Variants in CCDC154 observed in about 807,000 individuals in gnomAD.
CCDC154 encodes the protein coiled-coil domain containing 154.
Under a neutral mutation model 87.5 loss-of-function variants are expected in CCDC154, and 91 were observed. The ratio of observed to expected loss-of-function variants is 1.04; its 90% CI spans 0.88 to 1.24. CCDC154 has a LOEUF of 1.24. Among genes scored for constraint, CCDC154 ranks in the 50% most tolerant of loss-of-function variants. The pLI, the probability that CCDC154 is intolerant of heterozygous loss-of-function variation, is 0.00. For synonymous variants in CCDC154, 418 were observed against 400.4 expected (o/e 1.04, Z -0.52); for missense variants, 903 against 879.2 (o/e 1.03, Z -0.34).
Position 1,437,875 on chromosome 16 carries a change from G to T in CCDC154, c.1232C>A (p.Pro411Gln). 1 of 1,544,810 alleles carries T rather than the reference G, an allele frequency of 6.5e-7. No individual in the cohort carries two copies. The highest frequency in any genetic ancestry group is 8.7e-7 in the Non-Finnish European group (1 of 1,146,452). ...GQLKELSGHL[P>Q]ALSSRLDLQE... ...CAGATCGAGCCGGCTGCTCAGAGCC[G>T]GGAGATGGCCACTCAGCTCCTTTAA... The change falls in exon 11 of 17, where the codon CCG (proline) becomes CAG (glutamine). Residue 411 changes from proline to glutamine, a missense_variant. Pro to Gln is a moderately conservative substitution (Grantham distance 76). Transcript: ENST00000389176.
chr16:1,442,483 C>G lies in CCDC154; in HGVS notation c.598G>C (p.Glu200Gln). 1 of 1,550,056 alleles carries G rather than the reference C, an allele frequency of 6.5e-7. No individual in the cohort carries two copies. ...DLLQQEEQGR[E>Q]VACGALQKNQ... The stretch of plus-strand genomic sequence containing the variant: ...TTCTGCAGGGCGCCGCAGGCCACCT[C>G]CCGGCCCTGCTCCTCCTGCTGCAGC... The change falls in exon 6 of 17, where the codon GAG (glutamate) becomes CAG (glutamine). Residue 200 changes from glutamate (E) to glutamine (Q), a missense_variant. By Grantham distance (29) the Glu-to-Gln change is conservative. Transcript: ENST00000389176.
Position 1,438,061 on chromosome 16 carries a change from C to T in CCDC154, c.1141G>A (p.Glu381Lys), listed in dbSNP as rs2038518259. 1 of 1,548,128 alleles carries T rather than the reference C, an allele frequency of 6.5e-7. No individual in the cohort carries two copies. The highest frequency in any genetic ancestry group is 2.0e-5 in the Admixed American group (1 of 50,898). ...GELARQEMHGELVLLREKSRA... is the reference protein window; with the variant it reads ...GELARQEMHGKLVLLREKSRA... ...CGCTACCCCCTCACCAGCACCAGCTCTCCATGCATCTCCTGCCGGGCCAGC... is the reference window on the plus strand; with the variant it reads ...CGCTACCCCCTCACCAGCACCAGCTTTCCATGCATCTCCTGCCGGGCCAGC... The change falls in exon 10 of 17, where the codon GAG becomes AAG. Residue 381 changes from glutamate (E) to lysine (K), a missense_variant. Glu to Lys is a moderately conservative substitution (Grantham distance 56). Coordinates refer to ENST00000389176, the MANE Select transcript of CCDC154 (RefSeq NM_001143980.3).
Position 1,434,682 on chromosome 16 carries a change from C to T in CCDC154, c.1863G>A (p.Val621=), listed in dbSNP as rs2038483647. 1.3e-6 allele frequency: 2 copies of T among 1,546,384 alleles called. No homozygotes were observed. Among genetic ancestry groups the T allele is most frequent in the Non-Finnish European group, 8.7e-7 (1 of 1,146,764 alleles). Residue 621 remains valine (V), a synonymous_variant, in exon 16 of 17, where the codon GTG becomes GTA. Coordinates refer to ENST00000389176, the MANE Select transcript of CCDC154 (RefSeq NM_001143980.3). ...GKVVPMNCWG[V]YQAVRWLRWK... is the part of the protein sequence containing the mutation. ...CTGCTGCCCACCTCACAGCCTGGTACACGCCCCAGCAGTTCATGGGCACCA... is the reference window on the plus strand; with the variant it reads ...CTGCTGCCCACCTCACAGCCTGGTATACGCCCCAGCAGTTCATGGGCACCA...
chr16:1,443,332 G>C (rs997836603), intron 3 of CCDC154, 31 bp from the exon 4 acceptor site: 2 of 1,539,836 alleles, frequency 1.3e-6, no homozygotes, highest in Non-Finnish European at 1.7e-6. Flanking sequence ...CTGTGGGCTG[G>C]ACCTAGGCCC....
chr16:1,434,617 G>C (rs1218159261), intron 16 of CCDC154, 51 bp downstream of exon 16: 1 of 1,524,144 alleles, frequency 6.6e-7, no homozygotes, highest in Admixed American at 2.0e-5. Context: ...CCCCAGCCCT[G>C]AACCCCGGCC....
chr16:1,437,098 G>A (rs1381746945), intron 11 of CCDC154: 4 of 452,770 alleles, frequency 8.8e-6, no homozygotes, highest in African/African-American at 2.0e-5. Context: ...GCCCCGAAAC[G>A]CAGGGTGTCG....
intron 13 of CCDC154, 31 bp from the exon 14 acceptor site, chr16:1,436,117 C>G: frequency 2.6e-6 from 4 of 1,524,096 alleles, no homozygotes; most frequent in Non-Finnish European, 3.6e-6. Context: ...GGCTGGCTGT[C>G]GGGTGTGCTC....
rs1343126935 is a variant in CCDC154, at chr16:1,438,148, G to A, written c.1054C>T (p.Arg352Trp). The change falls in exon 10 of 17, where the codon CGG becomes TGG. Residue 352 changes from arginine to tryptophan, a missense_variant. Coordinates refer to ENST00000389176, the MANE Select transcript of CCDC154 (RefSeq NM_001143980.3). The part of the protein sequence containing the change: ...WDAKGRLEES[R>W]AGELAAYVQE... ...ACATAGGCGGCCAGCTCCCCAGCCC[G>A]GCTTTCCTCCAAGCGCCCCTTGGCG... 25 of 1,546,210 alleles carry A rather than the reference G, an allele frequency of 1.6e-5. No individual in the cohort carries two copies. The highest frequency in any genetic ancestry group is 1.9e-5 in the Non-Finnish European group (22 of 1,144,646).
At position 1,434,727 on chromosome 16, in the gene CCDC154, C is replaced by T. The variant is rs144781456; in HGVS notation, c.1818G>A (p.Lys606=). Reference sequence around the variant, plus strand: ...GCACCACCTTGCCAGGCGCCATGTCCTTGATGAAGACCCGCGGCCTCACCA... The same window carrying T: ...GCACCACCTTGCCAGGCGCCATGTCTTTGATGAAGACCCGCGGCCTCACCA... The part of the protein sequence containing the change: ...PSLVRPRVFI[K]DMAPGKVVPM... The change falls in exon 16 of 17, where the codon AAG becomes AAA. Residue 606 remains lysine (K), a synonymous_variant. Coordinates refer to ENST00000389176, the MANE Select transcript of CCDC154 (RefSeq NM_001143980.3). The T allele has an allele frequency of 1.3e-6, 2 of 1,546,782 alleles. No individual in the cohort carries two copies. The highest frequency in any genetic ancestry group is 2.0e-5 in the Admixed American group (1 of 50,998).
chr16:1,436,282 G>A (rs1216848694), intron 13 of CCDC154, among the ~76,000 whole-genome samples, 163 bp downstream of exon 13: 2 of 152,206 alleles, frequency 1.3e-5, no homozygotes, highest in African/African-American at 4.8e-5. Flanking sequence ...CTCAGAGGCT[G>A]CACCAGGGTG....
chr16:1,443,723 G>T (rs1260475432), intron 2 of CCDC154, 28 bp from the exon 3 acceptor site: 2 of 1,301,086 alleles, frequency 1.5e-6, no homozygotes, highest in Non-Finnish European at 2.0e-6. Flanking sequence ...GGGCGAGTCT[G>T]GCGGTGCCCG....
rs61744665 is a variant in CCDC154, at chr16:1,434,527, G to A, written c.1885C>T (p.Arg629Cys). Residue 629 changes from arginine (R) to cysteine (C), a missense_variant, in exon 17 of 17, where the codon CGC (arginine) becomes TGC (cysteine). Transcript: ENST00000389176. ...AGCTTTATGAGGGACGCCTTCCAGC[G>A]CAGCCACCTGTCCAGAGATGCGGCA... ...WGVYQAVRWL[R>C]WKASLIKLRA... The A allele has an allele frequency of 0.056, 86,568 of 1,545,402 alleles. 3,992 individuals carry two copies. The highest frequency in any genetic ancestry group is 0.24 in the African/African-American group (17,118 of 72,800).
At chr16:1,438,212 G>T (rs1204392029) in intron 9 of CCDC154, 36 bp from the exon 10 acceptor site, 1 of 1,486,048 alleles carries the variant, frequency 6.7e-7, no homozygotes. Flanking sequence ...CCTCAGTGGA[G>T]CCTGCCCACC....
At chr16:1,441,966 G>A (rs1000788790) in intron 6 of CCDC154, among the ~76,000 whole-genome samples, 4 of 152,200 alleles carry the variant, frequency 2.6e-5, no homozygotes, top group Admixed American at 1.3e-4. Context: ...TCTGTCACCA[G>A]GCTGGAGTGG....
rs551449122 is a variant in CCDC154 at position 1,442,491 on chromosome 16, T to C, written c.590A>G (p.Gln197Arg). ...GGCGCCGCAGGCCACCTCCCGGCCC[T>C]GCTCCTCCTGCTGCAGCAAGTCGGT... ...KLTDLLQQEE[Q>R]GREVACGALQ... Residue 197 changes from glutamine to arginine, a missense_variant, in exon 6 of 17, where the codon CAG becomes CGG. Coordinates refer to ENST00000389176, the MANE Select transcript of CCDC154 (RefSeq NM_001143980.3). The C allele has an allele frequency of 9.7e-6, 15 of 1,549,570 alleles. No homozygotes were observed. The East Asian group carries it at 3.7e-4, about 38-fold the overall frequency.
chr16:1,440,138 A>ACTCCAT (rs2038537495), intron 6 of CCDC154, among the ~76,000 whole-genome samples: 1 of 111,152 alleles, frequency 9.0e-6, no homozygotes, highest in African/African-American at 3.4e-5. Flanking sequence ...ACAGAGCGAG[A>ACTCCAT]CTGTCAGAAA....
intron 11 of CCDC154, among the ~76,000 whole-genome samples, 175 bp from the exon 12 acceptor site, chr16:1,436,986 G>A (rs1266294907): frequency 6.6e-6 from 1 of 152,232 alleles, no homozygotes; most frequent in African/African-American, 2.4e-5. Flanking sequence ...ACGCTCTGGA[G>A]ACACACATGC....
intron 14 of CCDC154, 23 bp downstream of exon 14, chr16:1,435,946 G>C: frequency 6.5e-7 from 1 of 1,537,920 alleles, no homozygotes; most frequent in Non-Finnish European, 8.8e-7. Flanking sequence ...CTCCCAGCTG[G>C]GTGCGGGCAG....
chr16:1,443,399 G>A (rs2038575024), intron 3 of CCDC154, 98 bp from the exon 4 acceptor site: 2 of 1,460,680 alleles, frequency 1.4e-6, no homozygotes, highest in Non-Finnish European at 1.8e-6. Context: ...GCCCCTGGGA[G>A]CTCTGGGCCT....
Sources: allele counts gnomAD v4.1 joint callset (sites outside exome capture counted in the v4.1 genomes callset), GRCh38; gene constraint gnomAD v4.1.1; transcripts MANE v1.5; gene names NCBI Gene and HGNC (gene_info 2026-07-23, HGNC 2026-07-21).